The following SLC45A4 variants were observed in gnomAD, a reference collection of about 807,000 sequenced individuals.
SLC45A4 encodes polyamine-transporter SLC45A4.
Under a neutral mutation model 63.7 loss-of-function variants are expected in SLC45A4, and 32 were observed. The observed-to-expected ratio is 0.50, with a 90% CI of 0.38 to 0.67. The LOEUF is 0.67. Among genes scored for constraint, SLC45A4 ranks in the 30% least tolerant of loss-of-function variants. The pLI is 0.00. For synonymous variants in SLC45A4, 535 were observed against 510.0 expected, an observed-to-expected ratio of 1.05 and a Z score of -0.66; for missense variants, 1,027 against 1,157.7, an observed-to-expected ratio of 0.89 and a Z score of 1.64.
At chr8:141,271,712 AG>A (rs1829528785) in intron 1 of SLC45A4, among the ~76,000 whole-genome samples, 1 of 152,220 alleles carries the variant, frequency 6.6e-6, no homozygotes, top group African/African-American at 2.4e-5. Context: ...ATCATATGTC[AG>A]GGGAAGTCCG....
intron 1 of SLC45A4, among the ~76,000 whole-genome samples, chr8:141,259,476 T>C (rs1181163027): frequency 6.6e-6 from 1 of 152,222 alleles, no homozygotes; most frequent in Non-Finnish European, 1.5e-5. Context: ...TCCCCTGAGC[T>C]TGGCTCTGCC....
intron 1 of SLC45A4, among the ~76,000 whole-genome samples, chr8:141,262,700 A>C (rs1295689732): frequency 2.0e-5 from 3 of 152,202 alleles, no homozygotes; most frequent in African/African-American, 7.2e-5. Context: ...GCAATCATTA[A>C]AAAGTCAGAA....
chr8:141,221,508 G>A (rs1437951731), intron 3 of SLC45A4, 69 bp downstream of exon 3: 2 of 1,520,332 alleles, frequency 1.3e-6, no homozygotes, highest in Non-Finnish European at 1.8e-6. Flanking sequence ...AGCTTTTAAT[G>A]AGAGGAGCTA....
chr8:141,223,778 C>A (rs910137758), intron 2 of SLC45A4, among the ~76,000 whole-genome samples: 6 of 152,216 alleles, frequency 3.9e-5, no homozygotes, highest in African/African-American at 1.2e-4. Flanking sequence ...CACCCACATG[C>A]ACTCACGAGA....
At chr8:141,255,440 G>A (rs1316858770) in intron 1 of SLC45A4, among the ~76,000 whole-genome samples, 1 of 152,224 alleles carries the variant, frequency 6.6e-6, no homozygotes, top group Non-Finnish European at 1.5e-5. Flanking sequence ...AAGCAGCTGG[G>A]CACGGTGGCT....
chr8:141,282,568 CCCCGTGCACAG>C (rs1228327994), intron 1 of SLC45A4, among the ~76,000 whole-genome samples: 4 of 152,272 alleles, frequency 2.6e-5, no homozygotes, highest in Non-Finnish European at 5.9e-5. Context: ...GCTCACACCA[CCCCGTGCACAG>C]CTCGTGGATG....
intron 2 of SLC45A4, among the ~76,000 whole-genome samples, chr8:141,231,633 CAAAG>C (rs911095760): frequency 6.6e-6 from 1 of 151,038 alleles, no homozygotes; most frequent in African/African-American, 2.4e-5. Flanking sequence ...ATCTTCCAGA[CAAAG>C]AACCCTCGAG....
At chr8:141,285,120 C>T (rs547317586) in intron 1 of SLC45A4, among the ~76,000 whole-genome samples, 28 of 152,340 alleles carry the variant, frequency 1.8e-4, no homozygotes, top group African/African-American at 6.5e-4. Flanking sequence ...TCCTCTCCAG[C>T]GGCCCAGCGG....
intron 1 of SLC45A4, among the ~76,000 whole-genome samples, chr8:141,272,018 C>T (rs138104226): frequency 1.8e-4 from 28 of 152,188 alleles, no homozygotes; most frequent in Non-Finnish European, 3.5e-4. Context: ...CACACACCTG[C>T]GTACACACAT....
intron 1 of SLC45A4, among the ~76,000 whole-genome samples, chr8:141,265,233 G>A (rs1398911744): frequency 1.3e-5 from 2 of 152,214 alleles, no homozygotes; most frequent in Non-Finnish European, 2.9e-5. Context: ...CCCTTGCTGG[G>A]ACTGGAACAA....
intron 2 of SLC45A4, among the ~76,000 whole-genome samples, chr8:141,222,971 A>G (rs1826743553): frequency 6.6e-6 from 1 of 152,254 alleles, no homozygotes; most frequent in South Asian, 2.1e-4. Context: ...ACGTCAGTAA[A>G]ACACTTCCTT....
At chr8:141,245,423 T>C (rs1828141372) in intron 2 of SLC45A4, among the ~76,000 whole-genome samples, 1 of 152,118 alleles carries the variant, frequency 6.6e-6, no homozygotes, top group Non-Finnish European at 1.5e-5. Flanking sequence ...AGGAAAGTGT[T>C]AATTCATCAC....
At chr8:141,292,254 A>G (rs890505568) in intron 1 of SLC45A4, among the ~76,000 whole-genome samples, 1 of 152,196 alleles carries the variant, frequency 6.6e-6, no homozygotes, top group Non-Finnish European at 1.5e-5. Flanking sequence ...GGCACGCGGC[A>G]TTCTGGGCCC....
chr8:141,302,176 A>G (rs1830765622), intron 1 of SLC45A4, among the ~76,000 whole-genome samples: 1 of 152,224 alleles, frequency 6.6e-6, no homozygotes, highest in Non-Finnish European at 1.5e-5. Context: ...ATTATACTAG[A>G]AATTGCATCT....
intron 2 of SLC45A4, chr8:141,230,415 CAG>C (rs1235562859): frequency 3.1e-6 from 1 of 327,100 alleles, no homozygotes; most frequent in East Asian, 8.4e-5. Context: ...GCACGGCCAA[CAG>C]GGCCCTGCAC....
intron 1 of SLC45A4, among the ~76,000 whole-genome samples, chr8:141,280,077 C>CCCAG (rs1589846561): frequency 6.6e-6 from 1 of 152,236 alleles, no homozygotes; most frequent in Admixed American, 6.5e-5. Flanking sequence ...AGTTCGACTC[C>CCCAG]CCAGGCACCT....
intron 1 of SLC45A4, among the ~76,000 whole-genome samples, chr8:141,300,315 C>T (rs964092135): frequency 6.6e-6 from 1 of 152,240 alleles, no homozygotes; most frequent in Non-Finnish European, 1.5e-5. Flanking sequence ...AGTTCTACTG[C>T]TCTCAGTCCT....
chr8:141,218,298 G>GCA lies in SLC45A4; in HGVS notation c.1340_1341dup (p.Leu448CysfsTer2). 6.2e-7 allele frequency: 1 copy of GCA among 1,605,862 alleles called. No individual in the cohort carries two copies. Among genetic ancestry groups the GCA allele is most frequent in the Non-Finnish European group, 8.5e-7 (1 of 1,179,856 alleles). On this transcript the variant is annotated frameshift_variant, in exon 5 of 9. Transcript: ENST00000517878. LOFTEE classifies it high-confidence loss of function. Reference sequence around the variant, plus strand: ...CTCATGCTGCGCGACGGCTTGATCAGCACCACGGCGTTGGCGCGCCGGTAG... The same window carrying GCA: ...CTCATGCTGCGCGACGGCTTGATCAGCACACCACGGCGTTGGCGCGCCGGTAG...
intron 1 of SLC45A4, among the ~76,000 whole-genome samples, chr8:141,262,915 A>G (rs201148442): frequency 4.0e-5 from 6 of 151,492 alleles, no homozygotes; most frequent in East Asian, 1.9e-4. Flanking sequence ...ACATGCACAC[A>G]TATGTTTATT....
Sources: gnomAD v4.1 joint callset for allele counts (sites outside exome capture counted in the v4.1 genomes callset) on GRCh38, gnomAD v4.1.1 for gene constraint, MANE v1.5 for transcripts, NCBI Gene and HGNC (gene_info 2026-07-23, HGNC 2026-07-21) for gene names.